The following PDE1C variants were observed in gnomAD, a reference collection of about 807,000 sequenced individuals.
The protein encoded by PDE1C is dual specificity calcium/calmodulin-dependent 3',5'-cyclic nucleotide phosphodiesterase 1C.
A neutral mutation model predicts 93.1 loss-of-function variants in PDE1C; 62 were observed. The observed-to-expected ratio is 0.67, with a 90% CI of 0.54 to 0.82. The LOEUF is 0.82. Among genes scored for constraint, PDE1C ranks in the 40% least tolerant of loss-of-function variants. The pLI is 0.00. For missense variants in PDE1C, 742 were observed against 884.6 expected, an observed-to-expected ratio of 0.84 and a Z score of 2.04; for synonymous variants, 325 against 310.1, an observed-to-expected ratio of 1.05 and a Z score of -0.50.
At chr7:31,962,217 G>C (rs1420322415) in intron 2 of PDE1C, among the ~76,000 whole-genome samples, 1 of 152,210 alleles carries the variant, frequency 6.6e-6, no homozygotes, top group Non-Finnish European at 1.5e-5. Flanking sequence ...GAAACCCAGA[G>C]AGCATTTCAA....
intron 2 of PDE1C, among the ~76,000 whole-genome samples, chr7:32,012,998 A>G (rs899940456): frequency 1.3e-5 from 2 of 152,182 alleles, no homozygotes; most frequent in African/African-American, 4.8e-5. Flanking sequence ...AATCATAACA[A>G]CAATAAAGTC....
At chr7:32,004,546 C>T (rs1475963969) in intron 2 of PDE1C, among the ~76,000 whole-genome samples, 3 of 152,106 alleles carry the variant, frequency 2.0e-5, no homozygotes, top group African/African-American at 7.2e-5. Flanking sequence ...TTACTAGAGA[C>T]TTTTTTTCCT....
intron 6 of PDE1C, among the ~76,000 whole-genome samples, chr7:31,865,304 G>T (rs1430126609): frequency 6.6e-6 from 1 of 152,064 alleles, no homozygotes; most frequent in Non-Finnish European, 1.5e-5. Flanking sequence ...ATTTTTCTTT[G>T]TTGCTCATTT....
At chr7:32,393,809 A>C (rs1303071598) in intron 1 of PDE1C, among the ~76,000 whole-genome samples, 2 of 152,156 alleles carry the variant, frequency 1.3e-5, no homozygotes, top group Non-Finnish European at 1.5e-5. Context: ...TTCCTGCCAA[A>C]TATCTCACCT....
chr7:32,313,505 A>C (rs1231865158), intron 1 of PDE1C, among the ~76,000 whole-genome samples: 1 of 152,090 alleles, frequency 6.6e-6, no homozygotes, highest in Non-Finnish European at 1.5e-5. Context: ...AACCAACCCA[A>C]ATGTCCAACA....
the PDE1C span, among the ~76,000 whole-genome samples, chr7:31,640,271 T>TA: frequency 5.9e-5 from 9 of 152,294 alleles, no homozygotes; most frequent in African/African-American, 2.2e-4. Flanking sequence ...TCTGGATGAG[T>TA]ACTGGGCAGT....
intron 2 of PDE1C, among the ~76,000 whole-genome samples, chr7:32,004,172 A>G (rs1332371764): frequency 6.6e-6 from 1 of 152,100 alleles, no homozygotes; most frequent in South Asian, 2.1e-4. Context: ...ATCTTGTCAG[A>G]CTTTTGGGTG....
At position 31,977,319 on chromosome 7, in the gene PDE1C, G is replaced by A. The variant is rs547843184; in HGVS notation, c.128+74235C>T. Reference sequence around the variant, plus strand: ...ATGATGATGCAGCAAGAAGGTCCTCGCCAGATGCCAGTGTCATGGCCTTGG... The same window carrying A: ...ATGATGATGCAGCAAGAAGGTCCTCACCAGATGCCAGTGTCATGGCCTTGG... On this transcript the variant is annotated intron_variant, in intron 2 of 17. Transcript: ENST00000396191. Among the ~76,000 whole-genome samples the A allele has an allele frequency of 4.2e-4, 64 of 152,212 alleles. No individual in the cohort carries two copies. The South Asian group carries it at 0.011, about 26-fold the overall frequency.
intron 2 of PDE1C, among the ~76,000 whole-genome samples, chr7:32,043,627 C>T (rs919300105): frequency 2.6e-5 from 4 of 152,124 alleles, no homozygotes; most frequent in African/African-American, 9.7e-5. Context: ...TACTAAGCAC[C>T]TCCAGGATTA....
intron 1 of PDE1C, among the ~76,000 whole-genome samples, chr7:32,215,474 C>T (rs1377767962): frequency 1.3e-5 from 2 of 152,192 alleles, no homozygotes; most frequent in Non-Finnish European, 2.9e-5. Context: ...ACATGTTCCC[C>T]TGGTGTGTTT....
chr7:31,966,820 CA>C (rs1810059066), intron 2 of PDE1C, among the ~76,000 whole-genome samples: 3 of 152,186 alleles, frequency 2.0e-5, no homozygotes, highest in Admixed American at 2.0e-4. Context: ...CAAAACCACT[CA>C]ACTACATGGA....
chr7:31,864,667 T>C (rs754881405), intron 7 of PDE1C, among the ~76,000 whole-genome samples: 1 of 152,142 alleles, frequency 6.6e-6, no homozygotes, highest in African/African-American at 2.4e-5. Context: ...GAAATACATA[T>C]TTAGTTGTAG....
intron 2 of PDE1C, among the ~76,000 whole-genome samples, chr7:31,926,695 ACTCC>A (rs902855514): frequency 2.0e-5 from 3 of 151,758 alleles, no homozygotes; most frequent in African/African-American, 7.3e-5. Context: ...GAGTCAGGGA[ACTCC>A]CTCCTCTAGC....
At chr7:32,109,571 A>C (rs1798532189) in intron 3 of PDE1C, among the ~76,000 whole-genome samples, 1 of 152,124 alleles carries the variant, frequency 6.6e-6, no homozygotes, top group Non-Finnish European at 1.5e-5. Flanking sequence ...GTAACTCCCC[A>C]GTCATGACAA....
rs142518302 is a variant in PDE1C at position 32,239,910 on chromosome 7, G to T, written c.86-30371C>A. On this transcript the variant is annotated intron_variant, in intron 1 of 18. Coordinates refer to the PDE1C transcript ENST00000396193. ...GTATGCAGAGATGTCACTTGTAGAT[G>T]GAAACCTTTAAGAGCCAGCATGCAA... Among the ~76,000 whole-genome samples the T allele has an allele frequency of 3.4e-3, 524 of 152,288 alleles. 5 individuals are homozygous for T. Among genetic ancestry groups the T allele is most frequent in the African/African-American group, 0.012 (491 of 41,550 alleles).
chr7:31,643,063 C>T, the PDE1C span: 1 of 1,614,012 alleles, frequency 6.2e-7, no homozygotes, highest in Non-Finnish European at 8.5e-7. Flanking sequence ...ATATGATCAT[C>T]CTCTGGGGTT....
At position 32,202,036 on chromosome 7, in the gene PDE1C, A is replaced by G. The variant is rs114791067; in HGVS notation, c.136+7453T>C. ...TCAGAAGAACACCACCATCCCAGGT[A>G]CTCACGGAAGCATCAGGGAGTGCTC... On this transcript the variant is annotated intron_variant, in intron 2 of 18. Coordinates refer to the PDE1C transcript ENST00000396193. 7.2e-3 allele frequency among the ~76,000 whole-genome samples: 1,101 copies of G among 152,302 alleles called. 15 individuals are homozygous for G. Among genetic ancestry groups the G allele is most frequent in the African/African-American group, 0.025 (1,045 of 41,570 alleles).
the PDE1C span, chr7:31,643,803 C>T: frequency 8.1e-6 from 13 of 1,613,850 alleles, no homozygotes; most frequent in African/African-American, 1.3e-5. Flanking sequence ...GCTGTCATCA[C>T]CACCCTCACT....
intron 1 of PDE1C, among the ~76,000 whole-genome samples, chr7:32,058,467 T>A (rs994482039): frequency 1.3e-5 from 2 of 152,198 alleles, no homozygotes; most frequent in Non-Finnish European, 2.9e-5. Context: ...ATGAAATGAG[T>A]GAGGATCTGA....
Sources: gnomAD v4.1 joint callset for allele counts (sites outside exome capture counted in the v4.1 genomes callset) on GRCh38, gnomAD v4.1.1 for gene constraint, MANE v1.5 for transcripts, NCBI Gene and HGNC (gene_info 2026-07-23, HGNC 2026-07-21) for gene names.